Variants in FBRS observed in about 807,000 individuals in gnomAD.
The protein encoded by FBRS is fibrosin.
FBRS carries 15 observed loss-of-function variants against 86.1 expected under a neutral mutation model. That is an observed-to-expected ratio of 0.17 (90% CI 0.12 to 0.27). FBRS has a LOEUF of 0.27. FBRS is among the 10% of genes least tolerant of loss of function. FBRS has a pLI of 1.00. For synonymous variants in FBRS, 666 were observed against 575.8 expected (o/e 1.16, Z -2.24); for missense variants, 1,367 against 1,301.6 (o/e 1.05, Z -0.77).
intron 2 of FBRS, 28 bp from the exon 3 acceptor site, chr16:30,661,152 C>G: frequency 6.5e-7 from 1 of 1,550,316 alleles, no homozygotes. Context: ...AGCCGCCTCC[C>G]TCACCTCTGG....
chr16:30,668,700 G>T, intron 16 of FBRS, 57 bp downstream of exon 16: 1 of 1,584,686 alleles, frequency 6.3e-7, no homozygotes, highest in Non-Finnish European at 8.6e-7. Flanking sequence ...GAGCTCAGAC[G>T]GTCTGGGAGG....
chr16:30,669,299 C>T lies in FBRS; in HGVS notation c.2597C>T (p.Pro866Leu), dbSNP rs767065353. ...CTGTTTGAGAGGCCCCGGCCGCCCC[C>T]GTTTCTGGGCCCTAGCCCACCAGAT... ...HLLFERPRPPPFLGPSPPDRC... is the reference protein window; with the variant it reads ...HLLFERPRPPLFLGPSPPDRC... Residue 866 changes from proline (P) to leucine (L), a missense_variant, in exon 18 of 18, where the codon CCG (proline) becomes CTG (leucine). Physicochemically the swap from Pro to Leu is moderately conservative, Grantham distance 98. Transcript: ENST00000356166. The surrounding 1 kb of genome is among the most constrained non-coding windows in gnomAD (Gnocchi z 5.9). 7.5e-6 allele frequency: 12 copies of T among 1,597,054 alleles called. No individual in the cohort carries two copies. Among genetic ancestry groups the T allele is most frequent in the East Asian group, 4.6e-5 (2 of 43,862 alleles).
rs74666135 is a variant in FBRS, at chr16:30,658,483, G to T, written c.-1036G>T. 0.011 allele frequency: 1,712 copies of T among 152,874 alleles called. 26 individuals carry two copies. The highest frequency in any genetic ancestry group is 0.037 in the African/African-American group (1,537 of 41,586). The allele number at this position is 152,874 out of a possible 1,614,324, so 9.5% of individuals were successfully genotyped here. A position where few individuals can be genotyped will look rare whatever the true frequency, so the allele number is the denominator to read the frequency against. ...AGGAAGAGGGAGGAGGGGTAGGGAAGTCCTGGCGGAGAAGCGCCCTAAGAC... is the reference window on the plus strand; with the variant it reads ...AGGAAGAGGGAGGAGGGGTAGGGAATTCCTGGCGGAGAAGCGCCCTAAGAC... On this transcript the variant is annotated 5_prime_UTR_variant, in exon 1 of 18. Transcript: ENST00000356166.
rs985134175 is a variant in FBRS, at chr16:30,659,636, G to C, written c.118G>C (p.Gly40Arg). Residue 40 changes from glycine to arginine, a missense_variant, in exon 1 of 18, where the codon GGC becomes CGC. Coordinates refer to ENST00000356166, the MANE Select transcript of FBRS (RefSeq NM_001105079.3). Reference sequence around the variant, plus strand: ...GGAGCAGCGGCGCCGCCGAGGTCCAGGCGGCGACGCGCCCCGGGCCCTGTT... The same window carrying C: ...GGAGCAGCGGCGCCGCCGAGGTCCACGCGGCGACGCGCCCCGGGCCCTGTT... The part of the protein sequence containing the change: ...DREQRRRRGP[G>R]GDAPRALLAA... 6.9e-6 allele frequency: 3 copies of C among 434,408 alleles called. No homozygotes were observed. The highest frequency in any genetic ancestry group is 1.2e-5 in the Non-Finnish European group (3 of 253,386). 26.9% of individuals were successfully genotyped at this position (434,408 alleles called of 1,614,324 possible).
In FBRS at chr16:30,669,228, C is replaced by A; in HGVS notation, c.2526C>A (p.Ala842=). ...AAAAAAAAAA[A]AAAAAAATGP... is the part of the protein sequence containing the mutation. ...CCGCTGCCGCTGCTGCTGCCGCCGC[C>A]GCTGCCGCCGCCGCAGCAGCCACTG... The change falls in exon 18 of 18, where the codon GCC becomes GCA. Residue 842 remains alanine (A), a synonymous_variant. Transcript: ENST00000356166. The surrounding 1 kb of genome is among the most constrained non-coding windows in gnomAD (Gnocchi z 5.9). The A allele has an allele frequency of 6.5e-7, 1 of 1,543,400 alleles. No individual in the cohort carries two copies. Among genetic ancestry groups the A allele is most frequent in the South Asian group, 1.2e-5 (1 of 84,350 alleles).
In FBRS at chr16:30,665,668, G is replaced by A; in HGVS notation, c.1735G>A (p.Gly579Arg). The A allele has an allele frequency of 6.3e-7, 1 of 1,592,372 alleles. No homozygotes were observed. Among genetic ancestry groups the A allele is most frequent in the Non-Finnish European group, 8.5e-7 (1 of 1,169,878 alleles). Residue 579 changes from glycine to arginine, a missense_variant, in exon 11 of 18, where the codon GGG (glycine) becomes AGG (arginine). Physicochemically the swap from Gly to Arg is moderately radical, Grantham distance 125 (BLOSUM62 -2). Coordinates refer to ENST00000356166, the MANE Select transcript of FBRS (RefSeq NM_001105079.3). The surrounding 1 kb of genome is among the most constrained non-coding windows in gnomAD (Gnocchi z 4.1). The stretch of plus-strand genomic sequence containing the variant: ...GAACCCTGAGCTGCCACCACGACTG[G>A]GGCCGGTGCCGAGCGGGCTCTCCCA... ...STNPELPPRL[G>R]PVPSGLSQKG...
At chr16:30,666,816 G>C in intron 12 of FBRS, 103 bp from the exon 13 acceptor site, 5 of 1,272,486 alleles carry the variant, frequency 3.9e-6, no homozygotes, top group Non-Finnish European at 4.5e-6. Flanking sequence ...TGATGAGTAG[G>C]GATATTTTGT....
Position 30,665,214 on chromosome 16 carries a change from G to A in FBRS, c.1609-92G>A. ...TTGAGCCTGGGACAGCTCCCTGGGG[G>A]GCTTTAGGGTGGAGGCCCGTGGACT... On this transcript the variant is annotated intron_variant, in intron 9 of 17. Transcript: ENST00000356166. The surrounding 1 kb of genome is among the most constrained non-coding windows in gnomAD (Gnocchi z 4.1). The A allele has an allele frequency of 2.0e-6, 3 of 1,509,778 alleles. No homozygotes were observed. The highest frequency in any genetic ancestry group is 2.7e-6 in the Non-Finnish European group (3 of 1,120,360). 93.5% of individuals were successfully genotyped at this position (1,509,778 alleles called of 1,614,324 possible). A position where few individuals can be genotyped will look rare whatever the true frequency, so the allele number is the denominator to read the frequency against.
At chr16:30,661,465 T>G (rs891826053) in intron 4 of FBRS, 132 bp downstream of exon 4, 2 of 1,507,982 alleles carry the variant, frequency 1.3e-6, no homozygotes, top group Non-Finnish European at 1.8e-6. Context: ...CAGGATTAGG[T>G]TTTTGGGAGG....
rs542092325 is a variant in FBRS, at chr16:30,665,502, C to A, written c.1704+101C>A. The A allele has an allele frequency of 1.5e-5, 21 of 1,410,040 alleles. No individual in the cohort carries two copies. In the South Asian group the frequency reaches 2.5e-4, roughly 17 times the overall value. The allele number at this position is 1,410,040 out of a possible 1,614,324, so 87.3% of individuals were successfully genotyped here. A position where few individuals can be genotyped will look rare whatever the true frequency, so the allele number is the denominator to read the frequency against. ...TCCCATTCCCCAAAGTCGTGCCCAT[C>A]CTCCTGCCCTGCCCTGCTGCACCCA... On this transcript the variant is annotated intron_variant, in intron 10 of 17. Transcript: ENST00000356166. The surrounding 1 kb of genome is among the most constrained non-coding windows in gnomAD (Gnocchi z 4.1).
intron 2 of FBRS, 69 bp downstream of exon 2, chr16:30,660,511 C>A (rs2052446248): frequency 8.0e-7 from 1 of 1,257,138 alleles, no homozygotes; most frequent in South Asian, 3.8e-5. Context: ...ATCAGCAACG[C>A]CACTGCCCCT....
At position 30,670,483 on chromosome 16, in the gene FBRS, A is replaced by G; in HGVS notation, c.*838A>G. 1 of 319,990 alleles carries G rather than the reference A, an allele frequency of 3.1e-6. No individual in the cohort carries two copies. Among genetic ancestry groups the G allele is most frequent in the Non-Finnish European group, 6.1e-6 (1 of 163,622 alleles). 19.8% of individuals were successfully genotyped at this position (319,990 alleles called of 1,614,324 possible). On this transcript the variant is annotated 3_prime_UTR_variant, in exon 18 of 18. Transcript: ENST00000356166. ...GCTCAGTCCCCTTCACCCCATTTCC[A>G]AGTGCCCCCAGGACTCCTGGGCCCT...
chr16:30,667,056 T>G, intron 13 of FBRS, 66 bp downstream of exon 13: 2 of 1,477,372 alleles, frequency 1.4e-6, no homozygotes, highest in South Asian at 1.2e-5. Context: ...CTCTGGGCAT[T>G]GGCCCTCAAC....
chr16:30,667,416 G>A lies in FBRS; in HGVS notation c.1972G>A (p.Ala658Thr). The change falls in exon 14 of 18, where the codon GCC becomes ACC. Residue 658 changes from alanine (A) to threonine (T), a missense_variant. Physicochemically the swap from Ala to Thr is moderately conservative, Grantham distance 58 (BLOSUM62 0). Around this residue, in one of 3 missense-constraint regions of FBRS, gnomAD observed 659 missense variants for 678.8 expected, o/e 0.97. Coordinates refer to ENST00000356166, the MANE Select transcript of FBRS (RefSeq NM_001105079.3). Reference protein sequence around the residue: ...LPPGQELSHPASLFTATGAVH... With the variant: ...LPPGQELSHPTSLFTATGAVH... ...CCCTGGGCAGGAGCTCTCCCACCCG[G>A]CCTCCCTCTTCACTGCGACTGGTGA... 5.8e-6 allele frequency: 9 copies of A among 1,548,452 alleles called. No individual in the cohort carries two copies. Among genetic ancestry groups the A allele is most frequent in the Non-Finnish European group, 7.9e-6 (9 of 1,144,954 alleles).
At chr16:30,667,068 G>C in intron 13 of FBRS, 78 bp downstream of exon 13, 1 of 1,390,040 alleles carries the variant, frequency 7.2e-7, no homozygotes, top group Middle Eastern at 2.3e-4. Context: ...GCCCTCAACA[G>C]AGCTCAGCAG....
chr16:30,669,452 G>A lies in FBRS; in HGVS notation c.2750G>A (p.Gly917Asp), dbSNP rs1253411923. The change falls in exon 18 of 18, where the codon GGT (glycine) becomes GAT (aspartate). Residue 917 changes from glycine (G) to aspartate (D), a missense_variant. Coordinates refer to ENST00000356166, the MANE Select transcript of FBRS (RefSeq NM_001105079.3). This position sits in a 1 kb window ranked among gnomAD's most constrained non-coding sequence, Gnocchi z 5.9. ...PGAVAAARLYGLEPAHPLLYS... is the reference protein window; with the variant it reads ...PGAVAAARLYDLEPAHPLLYS... ...GCCGTGGCCGCTGCCCGCCTCTACGGTCTGGAACCTGCTCACCCCTTGCTC... is the reference window on the plus strand; with the variant it reads ...GCCGTGGCCGCTGCCCGCCTCTACGATCTGGAACCTGCTCACCCCTTGCTC... The A allele has an allele frequency of 1.2e-6, 2 of 1,613,108 alleles. No individual in the cohort carries two copies. Among genetic ancestry groups the A allele is most frequent in the Non-Finnish European group, 8.5e-7 (1 of 1,179,798 alleles).
intron 1 of FBRS, 77 bp downstream of exon 1, chr16:30,660,054 G>A: frequency 6.7e-7 from 1 of 1,487,768 alleles, no homozygotes; most frequent in Non-Finnish European, 9.0e-7. Flanking sequence ...CTAGTGGGTG[G>A]AGTTGAGGGG....
Position 30,669,640 on chromosome 16 carries a change from A to G in FBRS, c.2938A>G (p.Arg980Gly). The change falls in exon 18 of 18, where the codon AGG (arginine) becomes GGG (glycine). Residue 980 changes from arginine (R) to glycine (G), a missense_variant. By Grantham distance (125) the Arg-to-Gly change is moderately radical. Coordinates refer to ENST00000356166, the MANE Select transcript of FBRS (RefSeq NM_001105079.3). The surrounding 1 kb of genome is among the most constrained non-coding windows in gnomAD (Gnocchi z 5.9). ...PRGPGPARADR is the reference protein window; with the variant it reads ...PRGPGPARADG ...GGGCCCTGGCCCAGCTCGGGCTGAC[A>G]GGTGAGGGGAACGGGGGGGGGTCGG... is the stretch of plus-strand genomic sequence containing the variant. 1 of 1,593,762 alleles carries G rather than the reference A, an allele frequency of 6.3e-7. No homozygotes were observed. The highest frequency in any genetic ancestry group is 1.1e-5 in the South Asian group (1 of 90,534).
chr16:30,666,842 A>T (rs1596618460), intron 12 of FBRS, 77 bp from the exon 13 acceptor site: 6 of 1,494,410 alleles, frequency 4.0e-6, no homozygotes, highest in African/African-American at 1.4e-5. Flanking sequence ...GGCTGGGCCC[A>T]GAGCCAGGCC....
Sources: gnomAD v4.1 joint callset for allele counts on GRCh38, gnomAD v4.1.1 for gene constraint, gnomAD v4.1.1 regional missense constraint, Gnocchi (gnomAD v3.1) non-coding constraint, MANE v1.5 for transcripts, NCBI Gene and HGNC (gene_info 2026-07-23, HGNC 2026-07-21) for gene names.